The following ESYT1 variants were observed in gnomAD, a reference collection of about 807,000 sequenced individuals.
ESYT1 encodes extended synaptotagmin 1.
Under a neutral mutation model 154.2 loss-of-function variants are expected in ESYT1, and 116 were observed. That is an observed-to-expected ratio of 0.75 (90% CI 0.65 to 0.88). The LOEUF (loss-of-function observed/expected upper bound fraction) is 0.88. Ranked by LOEUF, ESYT1 falls within the 40% of genes least tolerant of loss-of-function variation. The pLI, the probability that ESYT1 is intolerant of heterozygous loss-of-function variation, is 0.00. For synonymous variants in ESYT1, 500 were observed against 539.9 expected, an observed-to-expected ratio of 0.93 and a Z score of 1.02; for missense variants, 1,264 against 1,379.3, an observed-to-expected ratio of 0.92 and a Z score of 1.32.
chr12:56,134,238 T>G (rs1290070889), intron 14 of ESYT1, 57 bp downstream of exon 14: 1 of 1,603,820 alleles, frequency 6.2e-7, no homozygotes, highest in African/African-American at 1.3e-5. Flanking sequence ...GGCCTATTCT[T>G]GGGATGGTTT....
Position 56,137,325 on chromosome 12 carries a change from C to A in ESYT1, c.1890C>A (p.Ala630=), listed in dbSNP as rs751063916. Residue 630 remains alanine (A), a synonymous_variant, in exon 17 of 31, where the codon GCC becomes GCA. Coordinates refer to ENST00000394048, the MANE Select transcript of ESYT1 (RefSeq NM_015292.3). ...CCCAGAGAGGCAGCAGTGTGGATGC[C>A]CCACCTCGACCCTGTCACACGACTC... is the stretch of plus-strand genomic sequence containing the variant. ...ENPQRGSSVD[A]PPRPCHTTPD... 1 of 1,614,164 alleles carries A rather than the reference C, an allele frequency of 6.2e-7. No homozygotes were observed. Among genetic ancestry groups the A allele is most frequent in the Non-Finnish European group, 8.5e-7 (1 of 1,180,022 alleles).
Position 56,142,138 on chromosome 12 carries a change from G to A in ESYT1, c.2593-147G>A, listed in dbSNP as rs189514859. On this transcript the variant is annotated intron_variant, in intron 24 of 30. Transcript: ENST00000394048. This position sits in a 1 kb window ranked among gnomAD's most constrained non-coding sequence, Gnocchi z 4.1. Reference sequence around the variant, plus strand: ...GAAGGAAGGACAGAGGGAGGGACTAGCAACTGTTACCATGGCTTCCCTGCC... The same window carrying A: ...GAAGGAAGGACAGAGGGAGGGACTAACAACTGTTACCATGGCTTCCCTGCC... 1.3e-5 allele frequency: 11 copies of A among 843,556 alleles called. No individual in the cohort carries two copies. The highest frequency in any genetic ancestry group is 2.0e-5 in the Non-Finnish European group (11 of 541,886). 52.3% of individuals were successfully genotyped at this position (843,556 alleles called of 1,614,324 possible).
At chr12:56,136,176 G>C (rs1209383775) in intron 15 of ESYT1, among the ~76,000 whole-genome samples, 1 of 152,112 alleles carries the variant, frequency 6.6e-6, no homozygotes, top group Non-Finnish European at 1.5e-5. Context: ...GGATAGGCTG[G>C]AGTAACTAGG....
Position 56,128,616 on chromosome 12 carries a change from A to T in ESYT1, c.297A>T (p.Glu99Asp), listed in dbSNP as rs775760425. ...LGWRRVRDEKERSLRAARQLL... is the reference protein window; with the variant it reads ...LGWRRVRDEKDRSLRAARQLL... ...GGCGCCGGGTCCGCGACGAGAAAGAACGGAGCCTTCGAGCAGCGAGGCAGC... is the reference window on the plus strand; with the variant it reads ...GGCGCCGGGTCCGCGACGAGAAAGATCGGAGCCTTCGAGCAGCGAGGCAGC... Residue 99 changes from glutamate to aspartate, a missense_variant, in exon 1 of 31, where the codon GAA becomes GAT. By Grantham distance (45) the Glu-to-Asp change is conservative (BLOSUM62 2). Coordinates refer to ENST00000394048, the MANE Select transcript of ESYT1 (RefSeq NM_015292.3). 1.2e-5 allele frequency: 19 copies of T among 1,614,194 alleles called. No individual in the cohort carries two copies. In the South Asian group the frequency reaches 2.1e-4, roughly 18 times the overall value.
chr12:56,137,335 C>T lies in ESYT1; in HGVS notation c.1900C>T (p.Pro634Ser). The change falls in exon 17 of 31, where the codon CCC becomes TCC. Residue 634 changes from proline (P) to serine (S), a missense_variant. Physicochemically the swap from Pro to Ser is moderately conservative, Grantham distance 74 (BLOSUM62 -1). Transcript: ENST00000394048. ...CAGCAGTGTGGATGCCCCACCTCGA[C>T]CCTGTCACACGACTCCTGATAGCCA... ...RGSSVDAPPR[P>S]CHTTPDSQFG... 1 of 1,614,198 alleles carries T rather than the reference C, an allele frequency of 6.2e-7. No individual in the cohort carries two copies. Among genetic ancestry groups the T allele is most frequent in the Non-Finnish European group, 8.5e-7 (1 of 1,180,038 alleles).
chr12:56,142,451 G>A lies in ESYT1; in HGVS notation c.2733+26G>A. 6.2e-7 allele frequency: 1 copy of A among 1,608,902 alleles called. No homozygotes were observed. The highest frequency in any genetic ancestry group is 8.5e-7 in the Non-Finnish European group (1 of 1,176,166). The stretch of plus-strand genomic sequence containing the variant: ...GTGAGTGACAGGAGATGGTGGGCAG[G>A]ATGAGAGGGAGGAGGGGAGGGCCTT... On this transcript the variant is annotated intron_variant, in intron 25 of 30. Coordinates refer to ENST00000394048, the MANE Select transcript of ESYT1 (RefSeq NM_015292.3). The surrounding 1 kb of genome is among the most constrained non-coding windows in gnomAD (Gnocchi z 4.1).
intron 1 of ESYT1, chr12:56,130,303 C>T (rs1192158750): frequency 3.7e-6 from 2 of 541,400 alleles, no homozygotes; most frequent in Non-Finnish European, 6.7e-6. Flanking sequence ...CTCCTCCTCC[C>T]GCTCCTCTCT....
At chr12:56,133,319 T>C (rs1270569971) in intron 10 of ESYT1, 98 bp from the exon 11 acceptor site, 1 of 1,304,570 alleles carries the variant, frequency 7.7e-7, no homozygotes, top group African/African-American at 1.5e-5. Flanking sequence ...GATCTGCCAG[T>C]CATTTCTGGG....
chr12:56,130,631 T>C lies in ESYT1; in HGVS notation c.432+8T>C, dbSNP rs752334982. 1.5e-5 allele frequency: 24 copies of C among 1,613,904 alleles called. No homozygotes were observed. The highest frequency in any genetic ancestry group is 4.5e-5 in the East Asian group (2 of 44,890). ...GCTGAATGGCTCAATAAGGTGAGGA[T>C]TGATTTGATTTTTAGTCTTCATGAG... On this transcript the variant is annotated splice_region_variant and intron_variant, in intron 2 of 30. Transcript: ENST00000394048.
At chr12:56,139,884 G>A (rs572753060) in intron 24 of ESYT1, among the ~76,000 whole-genome samples, 21 of 150,874 alleles carry the variant, frequency 1.4e-4, no homozygotes, top group African/African-American at 4.4e-4. Flanking sequence ...CACTGCACCC[G>A]GCCTTTTTTT....
rs980670848 is a variant in ESYT1, at chr12:56,130,522, G to A, written c.391-60G>A. ...TCTGTGGCACACCACCAGCATCTTA[G>A]TAGGAAACCAGAGGCGAGGGTGTGC... On this transcript the variant is annotated intron_variant, in intron 1 of 30. Coordinates refer to ENST00000394048, the MANE Select transcript of ESYT1 (RefSeq NM_015292.3). 6 of 1,603,708 alleles carry A rather than the reference G, an allele frequency of 3.7e-6. No individual in the cohort carries two copies. In the African/African-American group the frequency reaches 8.0e-5, roughly 21 times the overall value.
chr12:56,134,151 G>C lies in ESYT1; in HGVS notation c.1515G>C (p.Leu505=). The C allele has an allele frequency of 6.2e-7, 1 of 1,614,158 alleles. No individual in the cohort carries two copies. The change falls in exon 14 of 31, where the codon CTG becomes CTC. Residue 505 remains leucine, a synonymous_variant. Transcript: ENST00000394048. ...AGGAACCCAACCCTATGGTACAACT[G>C]TCAATTCAGGATGTGACTCAGGAGA... is the stretch of plus-strand genomic sequence containing the variant. ...GNKEPNPMVQ[L]SIQDVTQESK...
At chr12:56,129,449 T>C (rs912828399) in intron 1 of ESYT1, 3 of 153,034 alleles carry the variant, frequency 2.0e-5, no homozygotes, top group African/African-American at 7.2e-5. Flanking sequence ...GCGTCTCCTG[T>C]GCTGAGGCGG....
chr12:56,140,713 A>G (rs959942827), intron 24 of ESYT1, among the ~76,000 whole-genome samples: 1 of 152,206 alleles, frequency 6.6e-6, no homozygotes, highest in Non-Finnish European at 1.5e-5. Flanking sequence ...TTTTGGGAAG[A>G]TCATAGGGAT....
intron 24 of ESYT1, among the ~76,000 whole-genome samples, chr12:56,141,545 C>T (rs897605163): frequency 1.6e-4 from 24 of 152,104 alleles, no homozygotes; most frequent in Admixed American, 2.6e-4. Flanking sequence ...TCGAGACCAT[C>T]CTGGCTAACA....
In ESYT1 at chr12:56,134,442, C is replaced by CT; in HGVS notation, c.1632+15dup. 3 of 1,609,314 alleles carry CT rather than the reference C, an allele frequency of 1.9e-6. No individual in the cohort carries two copies. The highest frequency in any genetic ancestry group is 2.6e-6 in the Non-Finnish European group (3 of 1,175,738). Reference sequence around the variant, plus strand: ...CTCGATGTGCAAGTGAGATAATCACCTCTTCATCCCCTCCCGAATACCCTA... The same window carrying CT: ...CTCGATGTGCAAGTGAGATAATCACCTTCTTCATCCCCTCCCGAATACCCTA... On this transcript the variant is annotated intron_variant, in intron 15 of 30. Coordinates refer to ENST00000394048, the MANE Select transcript of ESYT1 (RefSeq NM_015292.3).
chr12:56,138,664 C>G (rs1592248669), intron 22 of ESYT1, 104 bp from the exon 23 acceptor site: 41 of 1,333,982 alleles, frequency 3.1e-5, no homozygotes, highest in Non-Finnish European at 2.2e-6. Flanking sequence ...GTAGTGGCTG[C>G]CAAGTAATAA....
chr12:56,131,274 A>C lies in ESYT1; in HGVS notation c.672A>C (p.Glu224Asp). The change falls in exon 5 of 31, where the codon GAA becomes GAC. Residue 224 changes from glutamate to aspartate, a missense_variant. By Grantham distance (45) the Glu-to-Asp change is conservative. Transcript: ENST00000394048. Reference sequence around the variant, plus strand: ...TAGGTGATGTGCAGATTGATGTGGAAGTGAAGAAATATTTTTGCAAAGCAG... The same window carrying C: ...TAGGTGATGTGCAGATTGATGTGGACGTGAAGAAATATTTTTGCAAAGCAG... ...SYVGDVQIDV[E>D]VKKYFCKAGV... 1 of 1,614,152 alleles carries C rather than the reference A, an allele frequency of 6.2e-7. No homozygotes were observed. Among genetic ancestry groups the C allele is most frequent in the Non-Finnish European group, 8.5e-7 (1 of 1,180,018 alleles).
chr12:56,131,727 G>GA, intron 6 of ESYT1, 22 bp from the exon 7 acceptor site: 1 of 1,613,936 alleles, frequency 6.2e-7, no homozygotes, highest in Non-Finnish European at 8.5e-7. Flanking sequence ...GATCTGTCCT[G>GA]ACCCCTGCTC....
Sources: gnomAD v4.1 joint callset for allele counts (sites outside exome capture counted in the v4.1 genomes callset) on GRCh38, gnomAD v4.1.1 for gene constraint, Gnocchi (gnomAD v3.1) non-coding constraint, MANE v1.5 for transcripts, NCBI Gene and HGNC (gene_info 2026-07-23, HGNC 2026-07-21) for gene names.